The following PARP4 variants were observed in gnomAD, a reference collection of about 807,000 sequenced individuals.
The protein encoded by PARP4 is poly(ADP-ribose) polymerase family member 4, also known as protein mono-ADP-ribosyltransferase PARP4.
A neutral mutation model predicts 187.7 loss-of-function variants in PARP4; 120 were observed. The ratio of observed to expected loss-of-function variants is 0.64; its 90% CI spans 0.55 to 0.74. PARP4 has a LOEUF of 0.74. Among genes scored for constraint, PARP4 ranks in the 30% least tolerant of loss-of-function variants. PARP4 has a pLI of 0.00. For synonymous variants in PARP4, 654 were observed against 740.9 expected (o/e 0.88, Z 1.90); for missense variants, 1,836 against 2,070.5 (o/e 0.89, Z 2.20).
intron 17 of PARP4, among the ~76,000 whole-genome samples, chr13:24,463,562 T>C (rs113616449): frequency 0.016 from 2,409 of 152,296 alleles, 73 homozygotes; most frequent in African/African-American, 0.054. Flanking sequence ...ATTATCTCAA[T>C]AGACACAGAA....
At chr13:24,453,355 A>G (rs1234949738) in intron 23 of PARP4, among the ~76,000 whole-genome samples, 1 of 151,952 alleles carries the variant, frequency 6.6e-6, no homozygotes, top group Non-Finnish European at 1.5e-5. Flanking sequence ...TGTTAATGCT[A>G]GTTGCATTAG....
chr13:24,449,637 A>G (rs1871402512), intron 25 of PARP4, 81 bp downstream of exon 25: 1 of 817,708 alleles, frequency 1.2e-6, no homozygotes, highest in Non-Finnish European at 2.0e-6. Flanking sequence ...TCAAGGAAAC[A>G]CAGATATTCC....
chr13:24,469,493 T>C (rs1872640651), intron 16 of PARP4, among the ~76,000 whole-genome samples: 1 of 152,240 alleles, frequency 6.6e-6, no homozygotes, highest in African/African-American at 2.4e-5. Flanking sequence ...TTCTTTTCTT[T>C]TTTTTTAGAA....
At chr13:24,454,729 C>T (rs1194180131) in intron 22 of PARP4, among the ~76,000 whole-genome samples, 3 of 152,282 alleles carry the variant, frequency 2.0e-5, no homozygotes, top group East Asian at 1.9e-4. Flanking sequence ...GCTCAATCCT[C>T]CTCACAGCAA....
intron 31 of PARP4, among the ~76,000 whole-genome samples, chr13:24,431,889 G>A (rs1370861725): frequency 6.6e-6 from 1 of 152,164 alleles, no homozygotes; most frequent in Non-Finnish European, 1.5e-5. Context: ...CATGGGTAGA[G>A]ATTTTTTAAT....
At chr13:24,454,096 CAAA>C (rs55858438) in intron 22 of PARP4, among the ~76,000 whole-genome samples, 3 of 101,844 alleles carry the variant, frequency 2.9e-5, no homozygotes, top group Non-Finnish European at 2.1e-5. Flanking sequence ...GACTCTGTCT[CAAA>C]AAAAAAAAAA....
chr13:24,434,707 T>G lies in PARP4; in HGVS notation c.4434A>C (p.Pro1478=), dbSNP rs1383244141. ...AASLTANLRL[P]MASALPEALC... ...GAGCCTCAGGTAAAGCAGAGGCCAT[T>G]GGCAGCCTAAGGTTGGCAGTCAAAG... The change falls in exon 31 of 34, where the codon CCA becomes CCC. Residue 1478 remains proline, a synonymous_variant. Coordinates refer to ENST00000381989, the MANE Select transcript of PARP4 (RefSeq NM_006437.4). 6.2e-7 allele frequency: 1 copy of G among 1,614,106 alleles called. No homozygotes were observed. The highest frequency in any genetic ancestry group is 1.1e-5 in the South Asian group (1 of 91,066).
intron 23 of PARP4, among the ~76,000 whole-genome samples, chr13:24,452,967 C>T (rs1239836384): frequency 6.6e-6 from 1 of 151,910 alleles, no homozygotes; most frequent in African/African-American, 2.4e-5. Context: ...TGGAGTCTCG[C>T]TCCATTGCCC....
chr13:24,465,424 G>A (rs999751441), intron 17 of PARP4, among the ~76,000 whole-genome samples: 1 of 140,514 alleles, frequency 7.1e-6, no homozygotes, highest in African/African-American at 2.6e-5. Flanking sequence ...TAAAGAAAAT[G>A]TGGTACATAT....
chr13:24,466,861 AAAC>A (rs147250491), intron 17 of PARP4, among the ~76,000 whole-genome samples: 2,000 of 152,158 alleles, frequency 0.013, 45 homozygotes, highest in African/African-American at 0.045. Flanking sequence ...ATCATTTAAA[AAAC>A]AATACAAGAG....
intron 27 of PARP4, among the ~76,000 whole-genome samples, chr13:24,445,816 G>A (rs1345894758): frequency 3.9e-5 from 6 of 152,196 alleles, no homozygotes; most frequent in Non-Finnish European, 8.8e-5. Context: ...GTAACCTGGG[G>A]ACCTGCTACT....
intron 7 of PARP4, 88 bp downstream of exon 7, chr13:24,494,485 G>T: frequency 8.0e-7 from 1 of 1,243,900 alleles, no homozygotes; most frequent in Non-Finnish European, 1.1e-6. Flanking sequence ...GAGCCACGAA[G>T]CCTGGCCCAG....
At chr13:24,496,843 T>C in intron 6 of PARP4, among the ~76,000 whole-genome samples, 1 of 152,066 alleles carries the variant, frequency 6.6e-6, no homozygotes, top group East Asian at 1.9e-4. Context: ...GCCAACATGG[T>C]GAAACCCCGT....
In PARP4 at chr13:24,496,319, C is replaced by T. The variant is rs186441292; in HGVS notation, c.592-1597G>A. Among the ~76,000 whole-genome samples the T allele has an allele frequency of 1.3e-3, 195 of 152,214 alleles. 3 individuals carry two copies. The East Asian group carries it at 0.02, about 16-fold the overall frequency. On this transcript the variant is annotated intron_variant, in intron 6 of 33. Transcript: ENST00000381989. ...TTTCTCCTTCTTGGACACATTTGACCATGGATTAGCTTTCTAGCTCTGTTC... is the reference window on the plus strand; with the variant it reads ...TTTCTCCTTCTTGGACACATTTGACTATGGATTAGCTTTCTAGCTCTGTTC...
At position 24,434,963 on chromosome 13, in the gene PARP4, G is replaced by A. The variant is rs780233252; in HGVS notation, c.4178C>T (p.Ser1393Phe). ...AAAAACAATGCCACAATAGGGTGAA[G>A]AAGGTGGGTTCTGGGGAGGTCCTGT... Reference protein sequence around the residue: ...CPTGPPQNPPSSPYCGIVFSG... With the variant: ...CPTGPPQNPPFSPYCGIVFSG... Residue 1393 changes from serine to phenylalanine, a missense_variant, in exon 31 of 34, where the codon TCT becomes TTT. Around this residue, in one of 8 missense-constraint regions of PARP4, gnomAD observed 450 missense variants for 439.2 expected, o/e 1.02. Coordinates refer to ENST00000381989, the MANE Select transcript of PARP4 (RefSeq NM_006437.4). The A allele has an allele frequency of 5.6e-6, 9 of 1,613,950 alleles. No individual in the cohort carries two copies. The Admixed American group carries it at 1.0e-4, about 18-fold the overall frequency.
At chr13:24,429,273 T>C (rs1416353817) in intron 32 of PARP4, among the ~76,000 whole-genome samples, 1 of 152,236 alleles carries the variant, frequency 6.6e-6, no homozygotes, top group East Asian at 1.9e-4. Context: ...AATAGCAGTT[T>C]TAAAGTCTGT....
intron 1 of PARP4, among the ~76,000 whole-genome samples, chr13:24,505,076 C>T (rs1365739989): frequency 6.7e-6 from 1 of 150,048 alleles, no homozygotes; most frequent in Non-Finnish European, 1.5e-5. Context: ...GATCTCAGCT[C>T]ACTGTAATCT....
intron 24 of PARP4, among the ~76,000 whole-genome samples, chr13:24,450,581 G>A (rs1394136684): frequency 1.3e-5 from 2 of 152,208 alleles, no homozygotes; most frequent in East Asian, 1.9e-4. Context: ...AGCGAGGCAG[G>A]CTGGAGTCTT....
In PARP4 at chr13:24,435,390, C is replaced by G. The variant is rs1331354822; in HGVS notation, c.3751G>C (p.Glu1251Gln). 6.2e-7 allele frequency: 1 copy of G among 1,612,180 alleles called. No individual in the cohort carries two copies. Among genetic ancestry groups the G allele is most frequent in the Non-Finnish European group, 8.5e-7 (1 of 1,179,810 alleles). ...RKIPFSKRKM[E>Q]LSQPEVSEDF... is the part of the protein sequence containing the mutation. The stretch of plus-strand genomic sequence containing the variant: ...TCAGAAACTTCTGGCTGAGATAATT[C>G]CATTTTTCTTTTGGAAAATGGAATT... Residue 1251 changes from glutamate (E) to glutamine (Q), a missense_variant, in exon 31 of 34, where the codon GAA becomes CAA. This residue lies in a region of PARP4 where 450 missense variants were observed against 439.2 expected (regional missense o/e 1.02). Transcript: ENST00000381989.
Sources: gnomAD v4.1 joint callset for allele counts (sites outside exome capture counted in the v4.1 genomes callset) on GRCh38, gnomAD v4.1.1 for gene constraint, gnomAD v4.1.1 regional missense constraint, MANE v1.5 for transcripts, NCBI Gene and HGNC (gene_info 2026-07-23, HGNC 2026-07-21) for gene names.